Variants in HS6ST3 observed in about 807,000 individuals in gnomAD.
HS6ST3 encodes the protein heparan-sulfate 6-O-sulfotransferase 3.
In HS6ST3, 12 loss-of-function variants were observed where a neutral mutation model predicts 36.7. That is an observed-to-expected ratio of 0.33 (90% CI 0.21 to 0.53). HS6ST3 has a LOEUF of 0.53. Among genes scored for constraint, HS6ST3 ranks in the 20% least tolerant of loss-of-function variants. The probability of loss-of-function intolerance (pLI) is 0.95; values close to 1 mark genes in which losing one functional copy is unlikely to be tolerated. For synonymous variants in HS6ST3, 240 were observed against 257.5 expected, an observed-to-expected ratio of 0.93 and a Z score of 0.65; for missense variants, 584 against 640.9, an observed-to-expected ratio of 0.91 and a Z score of 0.96.
intron 1 of HS6ST3, among the ~76,000 whole-genome samples, chr13:96,153,594 ATCAATC>A (rs1185210621): frequency 6.6e-6 from 1 of 152,206 alleles, no homozygotes; most frequent in Non-Finnish European, 1.5e-5. Context: ...GTTTATCTGA[ATCAATC>A]TCATGTTCTA....
At chr13:96,793,307 C>T (rs1184024613) in intron 1 of HS6ST3, among the ~76,000 whole-genome samples, 1 of 152,036 alleles carries the variant, frequency 6.6e-6, no homozygotes, top group Admixed American at 6.6e-5. Flanking sequence ...GAAGTGGGTG[C>T]TGTTTTTTGA....
chr13:96,649,605 A>G (rs1378490743), intron 1 of HS6ST3, among the ~76,000 whole-genome samples: 1 of 152,048 alleles, frequency 6.6e-6, no homozygotes, highest in Admixed American at 6.6e-5. Context: ...TCTACCATCA[A>G]GATGCCACTT....
At chr13:96,487,905 A>G (rs2055923823) in intron 1 of HS6ST3, among the ~76,000 whole-genome samples, 1 of 152,112 alleles carries the variant, frequency 6.6e-6, no homozygotes, top group Admixed American at 6.6e-5. Flanking sequence ...GTGACTGGTT[A>G]TGTACATCTA....
intron 1 of HS6ST3, among the ~76,000 whole-genome samples, chr13:96,614,326 A>AAAAAAAAAAAAG: frequency 6.8e-6 from 1 of 147,406 alleles, no homozygotes; most frequent in Non-Finnish European, 1.5e-5. Context: ...AAAAAAAAAA[A>AAAAAAAAAAAAG]AACAGTTATT....
At chr13:96,264,921 A>G (rs1196145935) in intron 1 of HS6ST3, among the ~76,000 whole-genome samples, 1 of 152,194 alleles carries the variant, frequency 6.6e-6, no homozygotes, top group Non-Finnish European at 1.5e-5. Flanking sequence ...ATTTTCTACC[A>G]TTCGCTGAGC....
intron 1 of HS6ST3, among the ~76,000 whole-genome samples, chr13:96,281,634 T>A (rs1237422200): frequency 6.6e-6 from 1 of 152,182 alleles, no homozygotes; most frequent in Non-Finnish European, 1.5e-5. Flanking sequence ...TTACTAGACA[T>A]CTTGAAATTA....
At chr13:96,148,083 G>A (rs930087817) in intron 1 of HS6ST3, among the ~76,000 whole-genome samples, 2 of 152,188 alleles carry the variant, frequency 1.3e-5, no homozygotes, top group Non-Finnish European at 2.9e-5. Flanking sequence ...TTAAATGTAT[G>A]TATAGCTCAC....
At position 96,192,601 on chromosome 13, in the gene HS6ST3, G is replaced by GAT. The variant is rs5805955; in HGVS notation, c.707+101051_707+101052dup. ...ATGGCTGTGTATATTCCATGGGATG[G>GAT]ATATATATATATATATATATCACAT... On this transcript the variant is annotated intron_variant, in intron 1 of 1. Coordinates refer to ENST00000376705, the MANE Select transcript of HS6ST3 (RefSeq NM_153456.4). Among the ~76,000 whole-genome samples, 825 of 147,676 alleles carry GAT rather than the reference G, an allele frequency of 5.6e-3. 4 individuals carry two copies. Among genetic ancestry groups the GAT allele is most frequent in the East Asian group, 8.2e-3 (41 of 4,980 alleles).
intron 1 of HS6ST3, among the ~76,000 whole-genome samples, chr13:96,204,600 A>G (rs1469292864): frequency 1.3e-5 from 2 of 152,188 alleles, no homozygotes; most frequent in East Asian, 1.9e-4. Flanking sequence ...ATCGGAAATA[A>G]AACACTCCTA....
intron 1 of HS6ST3, among the ~76,000 whole-genome samples, chr13:96,785,183 T>C (rs1877618816): frequency 6.6e-6 from 1 of 151,946 alleles, no homozygotes; most frequent in African/African-American, 2.4e-5. Flanking sequence ...AAAAAAAGTT[T>C]CTCTTTTGAA....
At chr13:96,417,599 TG>T (rs2055540213) in intron 1 of HS6ST3, among the ~76,000 whole-genome samples, 1 of 150,610 alleles carries the variant, frequency 6.6e-6, no homozygotes, top group African/African-American at 2.4e-5. Flanking sequence ...TATGTGTGTG[TG>T]TGTGTGTGTG....
At chr13:96,679,767 C>T (rs757379951) in intron 1 of HS6ST3, among the ~76,000 whole-genome samples, 3 of 152,152 alleles carry the variant, frequency 2.0e-5, no homozygotes, top group Non-Finnish European at 4.4e-5. Context: ...GTGTTGCACA[C>T]AGCAGATTGT....
chr13:96,793,707 C>T (rs1405918965), intron 1 of HS6ST3, among the ~76,000 whole-genome samples: 1 of 152,070 alleles, frequency 6.6e-6, no homozygotes, highest in African/African-American at 2.4e-5. Flanking sequence ...TTTAAACAAC[C>T]ATCATTAGAC....
At chr13:96,559,311 G>T (rs1391503174) in intron 1 of HS6ST3, among the ~76,000 whole-genome samples, 1 of 151,984 alleles carries the variant, frequency 6.6e-6, no homozygotes, top group Admixed American at 6.6e-5. Context: ...TAGAGATGAG[G>T]TTTCACCATG....
chr13:96,406,714 G>A (rs2055480284), intron 1 of HS6ST3, among the ~76,000 whole-genome samples: 2 of 152,168 alleles, frequency 1.3e-5, no homozygotes, highest in African/African-American at 2.4e-5. Flanking sequence ...TTTAAGCACA[G>A]TGTGGCTTAA....
intron 1 of HS6ST3, among the ~76,000 whole-genome samples, chr13:96,619,538 G>A (rs2056486710): frequency 6.6e-6 from 1 of 152,192 alleles, no homozygotes; most frequent in African/African-American, 2.4e-5. Flanking sequence ...TGGGGATACA[G>A]GCATTTATAT....
chr13:96,179,792 TCTTTA>T (rs10532236), intron 1 of HS6ST3, among the ~76,000 whole-genome samples: 64,712 of 151,780 alleles, frequency 0.43, 13,992 homozygotes, highest in Middle Eastern at 0.49. Context: ...ACCTTTCATA[TCTTTA>T]CTTATGTTTT....
chr13:96,604,656 A>G (rs1309843574), intron 1 of HS6ST3, among the ~76,000 whole-genome samples: 1 of 152,206 alleles, frequency 6.6e-6, no homozygotes, highest in Non-Finnish European at 1.5e-5. Flanking sequence ...TTGAGCTTAT[A>G]GTATTCTAAT....
chr13:96,209,153 T>G (rs1279376962), intron 1 of HS6ST3, among the ~76,000 whole-genome samples: 1 of 152,186 alleles, frequency 6.6e-6, no homozygotes, highest in East Asian at 1.9e-4. Flanking sequence ...AATATAGTAA[T>G]ATAGATGGAA....
Sources: gnomAD v4.1 joint callset for allele counts (sites outside exome capture counted in the v4.1 genomes callset) on GRCh38, gnomAD v4.1.1 for gene constraint, MANE v1.5 for transcripts, NCBI Gene and HGNC (gene_info 2026-07-23, HGNC 2026-07-21) for gene names.